Variants in ZNF467 observed in about 807,000 individuals in gnomAD.
ZNF467 encodes the protein zinc finger protein 467.
In ZNF467, 51 loss-of-function variants were observed where a neutral mutation model predicts 47.8. That is an observed-to-expected ratio of 1.07 (90% CI 0.85 to 1.35). The LOEUF is 1.35. Ranked by LOEUF, ZNF467 falls within the 40% of genes most tolerant of loss-of-function variation. The pLI is 0.00. For synonymous variants in ZNF467, 416 were observed against 372.9 expected, an observed-to-expected ratio of 1.12 and a Z score of -1.33; for missense variants, 992 against 858.1, an observed-to-expected ratio of 1.16 and a Z score of -1.95.
upstream of ZNF467, among the ~76,000 whole-genome samples, chr7:149,773,704 G>A (rs1239705413): frequency 6.6e-6 from 1 of 150,866 alleles, no homozygotes; most frequent in Admixed American, 6.6e-5. Flanking sequence ...GGGGGAGCCA[G>A]CGAGTCGTGC....
Position 149,765,552 on chromosome 7 carries a change from C to T in ZNF467, c.950G>A (p.Arg317Gln), listed in dbSNP as rs750542028. 3.2e-6 allele frequency: 5 copies of T among 1,583,216 alleles called. No individual in the cohort carries two copies. The highest frequency in any genetic ancestry group is 3.7e-5 in the Admixed American group (2 of 54,494). ...RSFTHKQHLVRHQRVHQTAGP... is the reference protein window; with the variant it reads ...RSFTHKQHLVQHQRVHQTAGP... ...GGCCGTCTGGTGCACCCTTTGGTGC[C>T]GCACCAAGTGCTGCTTGTGCGTGAA... Residue 317 changes from arginine to glutamine, a missense_variant, in exon 5 of 5, where the codon CGG (arginine) becomes CAG (glutamine). Transcript: ENST00000302017.
At chr7:149,776,266 C>T (rs184434508), upstream of ZNF467, 25 of 1,244,808 alleles carry the variant, frequency 2.0e-5, no homozygotes, top group East Asian at 1.3e-3. Flanking sequence ...AATAACCACC[C>T]CTGGGAGTGG....
intron 1 of ZNF467, among the ~76,000 whole-genome samples, chr7:149,771,359 G>A (rs987606201): frequency 3.3e-5 from 5 of 152,092 alleles, no homozygotes; most frequent in Admixed American, 1.3e-4. Context: ...CATCAGCACC[G>A]CAACTCCACG....
upstream of ZNF467, chr7:149,776,185 C>T: frequency 9.0e-7 from 1 of 1,108,074 alleles, no homozygotes; most frequent in Non-Finnish European, 1.2e-6. Flanking sequence ...GCCCCCCACC[C>T]CCGGGATCCT....
chr7:149,776,276 G>T (rs1327940003), upstream of ZNF467: 3 of 1,276,598 alleles, frequency 2.3e-6, no homozygotes, highest in African/African-American at 4.6e-5. Flanking sequence ...CCTGGGAGTG[G>T]TGTCATAGGA....
chr7:149,773,171 G>C lies in ZNF467; in HGVS notation c.-106C>G, dbSNP rs1799482080. 6.6e-6 allele frequency: 1 copy of C among 150,762 alleles called. No homozygotes were observed. The highest frequency in any genetic ancestry group is 6.6e-5 in the Admixed American group (1 of 15,200). The allele number at this position is 150,762 out of a possible 1,614,324, so 9.3% of individuals were successfully genotyped here. A position where few individuals can be genotyped will look rare whatever the true frequency, so the allele number is the denominator to read the frequency against. On this transcript the variant is annotated 5_prime_UTR_variant, in exon 1 of 5. Transcript: ENST00000302017. ...AGGCGCCCGGGCCTCCTGCCCCGCC[G>C]GCTCTGCTCACAATGGCGCTCGCCG...
At chr7:149,775,671 C>T (rs1282286677), upstream of ZNF467, among the ~76,000 whole-genome samples, 3 of 151,358 alleles carry the variant, frequency 2.0e-5, no homozygotes, top group African/African-American at 4.9e-5. Flanking sequence ...GCCCAGAGCC[C>T]CATGTTAATT....
At position 149,764,991 on chromosome 7, in the gene ZNF467, C is replaced by A. The variant is rs778619623; in HGVS notation, c.1511G>T (p.Arg504Leu). 1 of 1,590,632 alleles carries A rather than the reference C, an allele frequency of 6.3e-7. No homozygotes were observed. The highest frequency in any genetic ancestry group is 1.1e-5 in the South Asian group (1 of 90,340). Residue 504 changes from arginine to leucine, a missense_variant, in exon 5 of 5, where the codon CGC (arginine) becomes CTC (leucine). Arg to Leu is a moderately radical substitution (Grantham distance 102). Transcript: ENST00000302017. The part of the protein sequence containing the change: ...RRFSRKSHLG[R>L]HQAVHTGSRP... ...GCTGCCAGTGTGCACCGCCTGGTGG[C>A]GGCCCAGGTGCGACTTGCGGCTGAA...
At chr7:149,774,818 C>T (rs972502255), upstream of ZNF467, among the ~76,000 whole-genome samples, 3 of 152,164 alleles carry the variant, frequency 2.0e-5, no homozygotes, top group Admixed American at 6.5e-5. This position sits in a 1 kb window ranked among gnomAD's most constrained non-coding sequence, Gnocchi z 5.7. Flanking sequence ...GAGACTCACT[C>T]TGGGCCCTTT....
At position 149,765,954 on chromosome 7, in the gene ZNF467, C is replaced by A. The variant is rs777557865; in HGVS notation, c.548G>T (p.Arg183Leu). Reference sequence around the variant, plus strand: ...CGGGCAGGCGCAGGGGCCCTCGCCCCGGTGCAGCCGCTGGTGCAGTCGCAA... The same window carrying A: ...CGGGCAGGCGCAGGGGCCCTCGCCCAGGTGCAGCCGCTGGTGCAGTCGCAA... ...LTLRLHQRLH[R>L]GEGPCACPDC... Residue 183 changes from arginine to leucine, a missense_variant, in exon 5 of 5, where the codon CGG (arginine) becomes CTG (leucine). Physicochemically the swap from Arg to Leu is moderately radical, Grantham distance 102. Coordinates refer to ENST00000302017, the MANE Select transcript of ZNF467 (RefSeq NM_207336.3). 4.5e-6 allele frequency: 7 copies of A among 1,552,228 alleles called. 1 individual carries two copies.
In ZNF467 at chr7:149,765,510, G is replaced by C; in HGVS notation, c.992C>G (p.Ser331Cys). The C allele has an allele frequency of 4.4e-6, 7 of 1,582,152 alleles. No homozygotes were observed. Among genetic ancestry groups the C allele is most frequent in the Non-Finnish European group, 6.0e-6 (7 of 1,164,764 alleles). Residue 331 changes from serine (S) to cysteine (C), a missense_variant, in exon 5 of 5, where the codon TCT (serine) becomes TGT (cysteine). Coordinates refer to ENST00000302017, the MANE Select transcript of ZNF467 (RefSeq NM_207336.3). ...VHQTAGPARP[S>C]PDSSASPHST... is the part of the protein sequence containing the mutation. ...ATGAGGAGAAGCGGACGAGTCGGGAGAGGGCCTGGCCGGGCCGGCCGTCTG... is the reference window on the plus strand; with the variant it reads ...ATGAGGAGAAGCGGACGAGTCGGGACAGGGCCTGGCCGGGCCGGCCGTCTG...
Position 149,764,371 on chromosome 7 carries a change from T to C in ZNF467, c.*343A>G. 1 of 556,540 alleles carries C rather than the reference T, an allele frequency of 1.8e-6. No homozygotes were observed. The allele number at this position is 556,540 out of a possible 1,614,324, so 34.5% of individuals were successfully genotyped here. ...TTTAGCAGCCCCAGAACTTTCCGAT[T>C]TTAACTTTAATGAAACTTTAAGTAC... On this transcript the variant is annotated 3_prime_UTR_variant, in exon 5 of 5. Transcript: ENST00000302017.
At position 149,764,772 on chromosome 7, in the gene ZNF467, A is replaced by AGGGCGGCGTCCGGGGCCGCGT. The variant is rs747146734; in HGVS notation, c.1709_1729dup (p.His570_Ala576dup). The AGGGCGGCGTCCGGGGCCGCGT allele has an allele frequency of 3.9e-6, 6 of 1,525,946 alleles. No individual in the cohort carries two copies. The Admixed American group carries it at 1.3e-4, about 32-fold the overall frequency. 94.5% of individuals were successfully genotyped at this position (1,525,946 alleles called of 1,614,324 possible). A position where few individuals can be genotyped will look rare whatever the true frequency, so the allele number is the denominator to read the frequency against. ...GGGAGCGGACCAGGCTGGGGCCGCA[A>AGGGCGGCGTCCGGGGCCGCGT]GGGCGGCGTCCGGGGCCGCGTGGGC... On this transcript the variant is annotated inframe_insertion, in exon 5 of 5. Transcript: ENST00000302017.
In ZNF467 at chr7:149,764,307, AGTGGCT is replaced by A; in HGVS notation, c.*401_*406del. 2.3e-6 allele frequency: 1 copy of A among 431,042 alleles called. No homozygotes were observed. 26.7% of individuals were successfully genotyped at this position (431,042 alleles called of 1,614,324 possible). ...GTCTGTGTGTGGATGGAGGTGGGAC[AGTGGCT>A]AAGGAGAGTCAGGTGTTCCCTCCCC... On this transcript the variant is annotated 3_prime_UTR_variant, in exon 5 of 5. Transcript: ENST00000302017.
At chr7:149,770,880 T>C (rs1799380461) in intron 2 of ZNF467, 119 bp downstream of exon 2, 1 of 1,301,028 alleles carries the variant, frequency 7.7e-7, no homozygotes, top group Non-Finnish European at 1.1e-6. Flanking sequence ...GAGGCTGACC[T>C]ACAGGCCCCT....
intron 4 of ZNF467, among the ~76,000 whole-genome samples, chr7:149,767,708 T>A (rs141192261): frequency 1.4e-3 from 215 of 152,256 alleles, no homozygotes; most frequent in African/African-American, 4.9e-3. Flanking sequence ...TGCACCAACA[T>A]GCCCAGCTAA....
intron 1 of ZNF467, among the ~76,000 whole-genome samples, chr7:149,772,560 G>T (rs1486399133): frequency 9.9e-6 from 1 of 101,034 alleles, no homozygotes; most frequent in African/African-American, 4.1e-5. Flanking sequence ...CCCTATTTCT[G>T]CTCCCCTCGG....
chr7:149,764,342 T>G lies in ZNF467; in HGVS notation c.*372A>C. ...GAGAGTCAGGTGTTCCCTCCCCCAATTCATTTAGCAGCCCCAGAACTTTCC... is the reference window on the plus strand; with the variant it reads ...GAGAGTCAGGTGTTCCCTCCCCCAAGTCATTTAGCAGCCCCAGAACTTTCC... On this transcript the variant is annotated 3_prime_UTR_variant, in exon 5 of 5. Coordinates refer to ENST00000302017, the MANE Select transcript of ZNF467 (RefSeq NM_207336.3). 1.9e-6 allele frequency: 1 copy of G among 523,868 alleles called. No individual in the cohort carries two copies. The highest frequency in any genetic ancestry group is 3.4e-6 in the Non-Finnish European group (1 of 297,966). 32.5% of individuals were successfully genotyped at this position (523,868 alleles called of 1,614,324 possible). A position where few individuals can be genotyped will look rare whatever the true frequency, so the allele number is the denominator to read the frequency against.
chr7:149,765,956 G>C lies in ZNF467; in HGVS notation c.546C>G (p.His182Gln). 2 of 1,552,672 alleles carry C rather than the reference G, an allele frequency of 1.3e-6. No homozygotes were observed. Among genetic ancestry groups the C allele is most frequent in the Non-Finnish European group, 8.7e-7 (1 of 1,149,228 alleles). Residue 182 changes from histidine (H) to glutamine (Q), a missense_variant, in exon 5 of 5, where the codon CAC becomes CAG. His to Gln is a conservative substitution (Grantham distance 24, BLOSUM62 0). Coordinates refer to ENST00000302017, the MANE Select transcript of ZNF467 (RefSeq NM_207336.3). ...GGCAGGCGCAGGGGCCCTCGCCCCG[G>C]TGCAGCCGCTGGTGCAGTCGCAACG... ...QLTLRLHQRLHRGEGPCACPD... is the reference protein window; with the variant it reads ...QLTLRLHQRLQRGEGPCACPD...
Sources: gnomAD v4.1 joint callset for allele counts (sites outside exome capture counted in the v4.1 genomes callset) on GRCh38, gnomAD v4.1.1 for gene constraint, Gnocchi (gnomAD v3.1) non-coding constraint, MANE v1.5 for transcripts, NCBI Gene and HGNC (gene_info 2026-07-23, HGNC 2026-07-21) for gene names.